TENM3: variants seen among roughly 807,000 people sequenced by gnomAD.
TENM3 encodes the protein teneurin transmembrane protein 3.
A neutral mutation model predicts 255.1 loss-of-function variants in TENM3; 63 were observed. The ratio of observed to expected loss-of-function variants is 0.25; its 90% CI spans 0.20 to 0.30. TENM3 has a LOEUF of 0.30. TENM3 is among the 10% of genes least tolerant of loss of function. TENM3 has a pLI of 1.00. For synonymous variants in TENM3, 1,306 were observed against 1,322.3 expected, an observed-to-expected ratio of 0.99 and a Z score of 0.27; for missense variants, 2,929 against 3,461.1, an observed-to-expected ratio of 0.85 and a Z score of 3.86.
chr4:182,210,299 C>T (rs192801152), intron 1 of TENM3, among the ~76,000 whole-genome samples: 1 of 152,074 alleles, frequency 6.6e-6, no homozygotes, highest in South Asian at 2.1e-4. Context: ...TTCAGCACCT[C>T]AACATTGAAA....
At chr4:182,497,132 T>C (rs1365591618) in intron 3 of TENM3, among the ~76,000 whole-genome samples, 4 of 151,792 alleles carry the variant, frequency 2.6e-5, no homozygotes, top group African/African-American at 9.7e-5. Flanking sequence ...CAGCTCACTG[T>C]AACCTCCGCC....
intron 1 of TENM3, among the ~76,000 whole-genome samples, chr4:182,216,855 A>G (rs1341592352): frequency 6.6e-6 from 1 of 152,128 alleles, no homozygotes; most frequent in Admixed American, 6.5e-5. Context: ...GGTGTTTTCT[A>G]AACAATGGCA....
chr4:182,758,905 T>G (rs1388453644), intron 22 of TENM3, among the ~76,000 whole-genome samples: 2 of 152,160 alleles, frequency 1.3e-5, no homozygotes, highest in Non-Finnish European at 1.5e-5. Flanking sequence ...CACAGAAAAG[T>G]TAAACTTTTC....
intron 11 of TENM3, among the ~76,000 whole-genome samples, chr4:182,685,429 A>G (rs1045869981): frequency 1.3e-5 from 2 of 152,172 alleles, no homozygotes; most frequent in African/African-American, 4.8e-5. Flanking sequence ...AAAGAGTTTT[A>G]GGGTATTACC....
At chr4:181,920,403 C>G in the TENM3 span, among the ~76,000 whole-genome samples, 1 of 151,942 alleles carries the variant, frequency 6.6e-6, no homozygotes, top group Non-Finnish European at 1.5e-5. Context: ...CTGTTGTTTC[C>G]TGAGTTTTTA....
At chr4:181,542,556 TG>T in the TENM3 span, among the ~76,000 whole-genome samples, 97 of 152,146 alleles carry the variant, frequency 6.4e-4, no homozygotes, top group African/African-American at 2.1e-3. Context: ...CAAATAGAAG[TG>T]GGGATGGAGA....
intron 19 of TENM3, among the ~76,000 whole-genome samples, chr4:182,743,867 T>G (rs927095598): frequency 5.3e-5 from 8 of 152,194 alleles, no homozygotes; most frequent in Non-Finnish European, 1.5e-5. Flanking sequence ...CAGGTTGGGT[T>G]AATCCATTAG....
chr4:182,647,051 C>G (rs1163009987), intron 5 of TENM3, among the ~76,000 whole-genome samples: 1 of 152,160 alleles, frequency 6.6e-6, no homozygotes, highest in Non-Finnish European at 1.5e-5. Context: ...TGTAAACATG[C>G]TTAAGTTGAA....
At chr4:182,159,943 TA>T (rs1750996173) in intron 1 of TENM3, among the ~76,000 whole-genome samples, 1 of 152,180 alleles carries the variant, frequency 6.6e-6, no homozygotes, top group Non-Finnish European at 1.5e-5. Context: ...TGATGCCAGA[TA>T]ACAGGGATGC....
chr4:182,259,761 T>C (rs535785767), intron 1 of TENM3, among the ~76,000 whole-genome samples: 2 of 86,120 alleles, frequency 2.3e-5, no homozygotes, highest in East Asian at 3.2e-4. Flanking sequence ...TTCTTTATGC[T>C]GGAAATATTG....
intron 1 of TENM3, among the ~76,000 whole-genome samples, chr4:182,322,743 C>A (rs1580154149): frequency 6.6e-6 from 1 of 152,038 alleles, no homozygotes; most frequent in South Asian, 2.1e-4. Flanking sequence ...AGAGACAGAC[C>A]AAGACTGAGA....
chr4:181,586,138 C>A, the TENM3 span, among the ~76,000 whole-genome samples: 1 of 152,206 alleles, frequency 6.6e-6, no homozygotes, highest in Non-Finnish European at 1.5e-5. Context: ...CTTCCTACCC[C>A]ACTCTGGCCA....
chr4:182,174,538 A>T (rs1466180521), intron 1 of TENM3, among the ~76,000 whole-genome samples: 2 of 151,408 alleles, frequency 1.3e-5, no homozygotes, highest in African/African-American at 4.9e-5. Flanking sequence ...ACACAAACAC[A>T]CACTTTAACA....
chr4:182,382,565 G>A (rs1458709529), intron 3 of TENM3, among the ~76,000 whole-genome samples: 1 of 152,042 alleles, frequency 6.6e-6, no homozygotes, highest in African/African-American at 2.4e-5. Context: ...TTCCTTCATT[G>A]TATTTGTTTT....
the TENM3 span, among the ~76,000 whole-genome samples, chr4:181,910,860 A>G: frequency 1.3e-5 from 2 of 152,090 alleles, no homozygotes; most frequent in Non-Finnish European, 2.9e-5. Context: ...AAGTGACTCC[A>G]TAATATCCCA....
rs528107459 is a variant in TENM3, at chr4:182,478,651, A to AT, written c.512-122266dup. ...ATGTTAATAAATATACCATTGTAGC[A>AT]TTTTTTTAGGCTTTTGTACTATTGT... On this transcript the variant is annotated intron_variant, in intron 3 of 27. Coordinates refer to ENST00000511685, the MANE Select transcript of TENM3 (RefSeq NM_001080477.4). 1.6e-4 allele frequency among the ~76,000 whole-genome samples: 25 copies of AT among 152,012 alleles called. No homozygotes were observed. In the South Asian group the frequency reaches 5.0e-3, roughly 30 times the overall value.
the TENM3 span, among the ~76,000 whole-genome samples, chr4:182,085,594 T>G: frequency 6.6e-6 from 1 of 152,166 alleles, no homozygotes; most frequent in Non-Finnish European, 1.5e-5. Flanking sequence ...TTTTCTTCAA[T>G]TCACACTTAA....
At chr4:182,671,939 C>T (rs768687679) in intron 6 of TENM3, among the ~76,000 whole-genome samples, 3 of 152,086 alleles carry the variant, frequency 2.0e-5, no homozygotes, top group African/African-American at 7.2e-5. Context: ...TGGACTTTAA[C>T]TCCTGCGCTC....
chr4:182,715,946 G>A (rs901079940), intron 13 of TENM3, among the ~76,000 whole-genome samples: 2 of 152,206 alleles, frequency 1.3e-5, no homozygotes, highest in African/African-American at 4.8e-5. Context: ...CTGAGCTAAA[G>A]CCTTTCCTTC....
Sources: allele counts gnomAD v4.1 joint callset (sites outside exome capture counted in the v4.1 genomes callset), GRCh38; gene constraint gnomAD v4.1.1; transcripts MANE v1.5; gene names NCBI Gene and HGNC (gene_info 2026-07-23, HGNC 2026-07-21).